LRRC37A2: variants seen among roughly 807,000 people sequenced by gnomAD.
LRRC37A2 encodes the protein leucine rich repeat containing 37 member A2, also known as leucine-rich repeat-containing protein 37A2.
In LRRC37A2, 9 loss-of-function variants were observed where a neutral mutation model predicts 68.8. That is an observed-to-expected ratio of 0.13 (90% CI 0.08 to 0.23). The LOEUF (loss-of-function observed/expected upper bound fraction) is 0.23, where lower values mean the gene tolerates loss of function less well. Among genes scored for constraint, LRRC37A2 ranks in the 10% least tolerant of loss-of-function variants. LRRC37A2 has a pLI of 1.00. For missense variants in LRRC37A2, 168 were observed against 950.4 expected (o/e 0.18, Z 10.82); for synonymous variants, 63 against 367.6 (o/e 0.17, Z 9.48).
At chr17:46,592,654 AC>A in the LRRC37A2 span, among the ~76,000 whole-genome samples, 1 of 18,634 alleles carries the variant, frequency 5.4e-5, no homozygotes, top group Non-Finnish European at 1.2e-4. Flanking sequence ...TCTAACATAA[AC>A]CTATATTATA....
chr17:46,925,312 A>G, the LRRC37A2 span, among the ~76,000 whole-genome samples: 3 of 152,358 alleles, frequency 2.0e-5, no homozygotes, highest in South Asian at 2.1e-4. Flanking sequence ...CCCCACAACT[A>G]TTAGGCCCTC....
the LRRC37A2 span, among the ~76,000 whole-genome samples, chr17:46,815,685 G>C: frequency 2.6e-5 from 4 of 152,136 alleles, no homozygotes; most frequent in African/African-American, 9.7e-5. Context: ...CAACCTCAGA[G>C]AGAAGGGCCA....
At chr17:46,760,651 G>GA in the LRRC37A2 span, among the ~76,000 whole-genome samples, 10 of 137,984 alleles carry the variant, frequency 7.2e-5, no homozygotes, top group South Asian at 2.4e-4. Flanking sequence ...AAAAAAAAAA[G>GA]AAAAAAAAAG....
chr17:46,716,171 A>G, the LRRC37A2 span, among the ~76,000 whole-genome samples: 186 of 152,250 alleles, frequency 1.2e-3, 7 homozygotes, highest in East Asian at 0.027. Context: ...TAAAGATGCT[A>G]AGTCTTCCAG....
At chr17:46,960,700 C>G in the LRRC37A2 span, among the ~76,000 whole-genome samples, 3 of 152,172 alleles carry the variant, frequency 2.0e-5, no homozygotes, top group African/African-American at 7.2e-5. Context: ...GAACGAACTA[C>G]TGAAGTGTGA....
chr17:46,877,697 C>T, the LRRC37A2 span, among the ~76,000 whole-genome samples: 1 of 152,186 alleles, frequency 6.6e-6, no homozygotes, highest in African/African-American at 2.4e-5. Flanking sequence ...GTGGCTGGGG[C>T]CTGCCTGGTC....
the LRRC37A2 span, among the ~76,000 whole-genome samples, chr17:46,730,670 A>C: frequency 6.6e-6 from 1 of 152,180 alleles, no homozygotes; most frequent in Non-Finnish European, 1.5e-5. Context: ...CAACAAAAAA[A>C]AATTTTTCAG....
chr17:46,810,186 T>G, the LRRC37A2 span, among the ~76,000 whole-genome samples: 2 of 152,118 alleles, frequency 1.3e-5, no homozygotes, highest in South Asian at 2.1e-4. Flanking sequence ...TTTTGTATTT[T>G]TAGTAGAGAC....
At chr17:46,804,865 A>G in the LRRC37A2 span, among the ~76,000 whole-genome samples, 8 of 152,152 alleles carry the variant, frequency 5.3e-5, no homozygotes, top group Admixed American at 1.3e-4. Context: ...AAATGGACCA[A>G]TCAGCAGGAC....
At chr17:46,959,489 T>C in the LRRC37A2 span, among the ~76,000 whole-genome samples, 40 of 152,202 alleles carry the variant, frequency 2.6e-4, no homozygotes, top group African/African-American at 7.7e-4. Context: ...ACTAAGACTT[T>C]AGAGCAAAGG....
the LRRC37A2 span, among the ~76,000 whole-genome samples, chr17:46,846,040 T>C: frequency 6.6e-6 from 1 of 151,860 alleles, no homozygotes; most frequent in African/African-American, 2.4e-5. Flanking sequence ...CTCCACCCAC[T>C]TCAGCCTCCC....
chr17:46,980,217 TACA>T, the LRRC37A2 span, among the ~76,000 whole-genome samples: 1 of 151,562 alleles, frequency 6.6e-6, no homozygotes, highest in Non-Finnish European at 1.5e-5. Flanking sequence ...ACTACTGAGC[TACA>T]ACATCATTTT....
the LRRC37A2 span, among the ~76,000 whole-genome samples, chr17:46,849,169 G>A: frequency 2.0e-5 from 3 of 152,218 alleles, no homozygotes; most frequent in Admixed American, 2.0e-4. Flanking sequence ...TGGCTGGCAA[G>A]GATTCAAGAG....
the LRRC37A2 span, among the ~76,000 whole-genome samples, chr17:46,976,504 G>C: frequency 2.0e-5 from 3 of 151,924 alleles, no homozygotes; most frequent in Admixed American, 6.6e-5. Context: ...CCAAGATTGC[G>C]CCACTGCACT....
At chr17:46,983,289 C>CTTTTTTTT in the LRRC37A2 span, among the ~76,000 whole-genome samples, 71 of 76,872 alleles carry the variant, frequency 9.2e-4, no homozygotes, top group South Asian at 1.5e-3. Context: ...GCCCTTTCTT[C>CTTTTTTTT]TTTTTTTTTT....
At chr17:46,887,765 AAAAGAAAG>A in the LRRC37A2 span, among the ~76,000 whole-genome samples, 7 of 150,718 alleles carry the variant, frequency 4.6e-5, no homozygotes, top group Non-Finnish European at 8.9e-5. Flanking sequence ...CTCCCTGTCC[AAAAGAAAG>A]AAAGAAAGAA....
At chr17:46,931,042 G>T in the LRRC37A2 span, 1 of 931,404 alleles carries the variant, frequency 1.1e-6, no homozygotes, top group Non-Finnish European at 1.8e-6. Flanking sequence ...ATTTATCATT[G>T]TAATTTAAGT....
chr17:46,931,270 T>A, the LRRC37A2 span: 227 of 838,506 alleles, frequency 2.7e-4, no homozygotes, highest in Admixed American at 1.7e-3. Flanking sequence ...CTTTTCTCCC[T>A]GGGGGAGGTG....
At chr17:46,722,544 A>C in the LRRC37A2 span, among the ~76,000 whole-genome samples, 1 of 152,114 alleles carries the variant, frequency 6.6e-6, no homozygotes, top group African/African-American at 2.4e-5. Context: ...TAAATATCTC[A>C]CTTGGATTTT....
Sources: allele counts gnomAD v4.1 joint callset (sites outside exome capture counted in the v4.1 genomes callset), GRCh38; gene constraint gnomAD v4.1.1; transcripts MANE v1.5; gene names NCBI Gene and HGNC (gene_info 2026-07-23, HGNC 2026-07-21).